The following TOP2A variants were observed in gnomAD, a reference collection of about 807,000 sequenced individuals.
TOP2A encodes DNA topoisomerase 2-alpha.
In TOP2A, 68 loss-of-function variants were observed where a neutral mutation model predicts 187.2. The ratio of observed to expected loss-of-function variants is 0.36; its 90% CI spans 0.30 to 0.44. The LOEUF is 0.44. Among genes scored for constraint, TOP2A ranks in the 20% least tolerant of loss-of-function variants. The probability of loss-of-function intolerance (pLI) is 1.00; values close to 1 mark genes in which losing one functional copy is unlikely to be tolerated. For missense variants in TOP2A, 1,196 were observed against 1,808.7 expected (o/e 0.66, Z 6.14); for synonymous variants, 542 against 593.2 (o/e 0.91, Z 1.25).
chr17:40,415,765 A>G (rs937243572), intron 4 of TOP2A, among the ~76,000 whole-genome samples: 21 of 152,230 alleles, frequency 1.4e-4, no homozygotes, highest in African/African-American at 5.1e-4. Flanking sequence ...CAGGCAAAAT[A>G]GCAAGACCCC....
chr17:40,400,427 C>A lies in TOP2A; in HGVS notation c.2800-18G>T, dbSNP rs377420002. ...TTGTATGTCTAAAGAAAGAAATAAT[C>A]CTGAAGTTTCTAAAATATAGGCTTC... On this transcript the variant is annotated intron_variant, in intron 22 of 34. Coordinates refer to ENST00000423485, the MANE Select transcript of TOP2A (RefSeq NM_001067.4). 375 of 1,610,172 alleles carry A rather than the reference C, an allele frequency of 2.3e-4. No individual in the cohort carries two copies. Among genetic ancestry groups the A allele is most frequent in the Admixed American group, 6.1e-4 (36 of 59,140 alleles).
chr17:40,406,730 G>C, intron 14 of TOP2A, 41 bp from the exon 15 acceptor site: 1 of 1,587,304 alleles, frequency 6.3e-7, no homozygotes, highest in East Asian at 2.2e-5. Flanking sequence ...TACACTGTGG[G>C]GTCCCCTGTA....
At chr17:40,398,481 A>G in intron 27 of TOP2A, 77 bp downstream of exon 27, 1 of 1,261,946 alleles carries the variant, frequency 7.9e-7, no homozygotes, top group Non-Finnish European at 1.1e-6. Context: ...ATTGTGAACT[A>G]TCTTGACAAA....
chr17:40,405,607 A>C (rs1187172175), intron 16 of TOP2A, among the ~76,000 whole-genome samples: 1 of 151,536 alleles, frequency 6.6e-6, no homozygotes, highest in African/African-American at 2.4e-5. Flanking sequence ...GGCGCGTGTC[A>C]CCAAGCCCGG....
rs1233232279 is a variant in TOP2A, at chr17:40,407,987, G to A, written c.1480C>T (p.Arg494Ter). ...FPLRGKILNV[R>*]EASHKQIMEN... ...TCTACCTGCTTATGAGAAGCTTCTC[G>A]AACATTGAGTATTTTTCCTCTAAGA... Residue 494 changes from arginine to a stop codon, truncating the protein, a stop_gained, in exon 12 of 35, where the codon CGA becomes TGA. Transcript: ENST00000423485. LOFTEE classifies it high-confidence loss of function. 3 of 1,612,316 alleles carry A rather than the reference G, an allele frequency of 1.9e-6. No individual in the cohort carries two copies. In the African/African-American group the frequency reaches 4.0e-5, roughly 22 times the overall value.
intron 2 of TOP2A, 61 bp from the exon 3 acceptor site, chr17:40,416,573 G>C (rs2035393121): frequency 1.4e-6 from 2 of 1,461,422 alleles, no homozygotes; most frequent in African/African-American, 1.4e-5. Flanking sequence ...CTGTTATCAT[G>C]ATTACCATAA....
At chr17:40,398,451 T>G in intron 27 of TOP2A, 107 bp downstream of exon 27, 2 of 990,042 alleles carry the variant, frequency 2.0e-6, no homozygotes, top group South Asian at 3.4e-5. Flanking sequence ...CTTATGCCTC[T>G]TATTTTCTTT....
chr17:40,416,151 A>G (rs1319284712), intron 3 of TOP2A, 83 bp from the exon 4 acceptor site: 1 of 1,168,630 alleles, frequency 8.6e-7, no homozygotes, highest in Non-Finnish European at 1.2e-6. Flanking sequence ...ATAGAAAAAA[A>G]AGTTCCCAAA....
chr17:40,398,060 G>A (rs1452668772), intron 27 of TOP2A, among the ~76,000 whole-genome samples: 2 of 150,690 alleles, frequency 1.3e-5, no homozygotes, highest in African/African-American at 2.4e-5. Flanking sequence ...TTGTAGGTGT[G>A]AGCCACCGCA....
chr17:40,392,343 T>C lies in TOP2A; in HGVS notation c.3965-2A>G. 1 of 1,580,826 alleles carries C rather than the reference T, an allele frequency of 6.3e-7. No individual in the cohort carries two copies. Among genetic ancestry groups the C allele is most frequent in the Non-Finnish European group, 8.6e-7 (1 of 1,162,326 alleles). ...AATCCATTGTGAATTTTGTTTTTGC[T>C]AGTAAAAAAACCATATACAAAAAAA... is the stretch of plus-strand genomic sequence containing the variant. On this transcript the variant is annotated splice_acceptor_variant, in intron 30 of 34. Coordinates refer to ENST00000423485, the MANE Select transcript of TOP2A (RefSeq NM_001067.4). LOFTEE classifies it high-confidence loss of function.
At chr17:40,402,410 C>T (rs2143653302) in intron 20 of TOP2A, among the ~76,000 whole-genome samples, 1 of 152,190 alleles carries the variant, frequency 6.6e-6, no homozygotes, top group East Asian at 1.9e-4. Flanking sequence ...TGAAGGAGCC[C>T]TGGAATGGGC....
chr17:40,404,141 T>C lies in TOP2A; in HGVS notation c.2283+11A>G, dbSNP rs1422847603. 1 of 1,611,072 alleles carries C rather than the reference T, an allele frequency of 6.2e-7. No individual in the cohort carries two copies. Among genetic ancestry groups the C allele is most frequent in the Non-Finnish European group, 8.5e-7 (1 of 1,179,110 alleles). On this transcript the variant is annotated intron_variant, in intron 19 of 34. Coordinates refer to ENST00000423485, the MANE Select transcript of TOP2A (RefSeq NM_001067.4). ...TATAATGCTTTCTGGAAACATGGAT[T>C]GTGTGTTTACCTCACCATGATGATA...
In TOP2A at chr17:40,398,299, T is replaced by C. The variant is rs141614015; in HGVS notation, c.3537+259A>G. On this transcript the variant is annotated intron_variant, in intron 27 of 34. Coordinates refer to ENST00000423485, the MANE Select transcript of TOP2A (RefSeq NM_001067.4). ...TTGTGTTTTTAGTAGAAATGGGGTT[T>C]TACCATGTTGGCCAGGCTGGTCTTG... 3.6e-3 allele frequency among the ~76,000 whole-genome samples: 549 copies of C among 152,030 alleles called. 5 individuals carry two copies. Among genetic ancestry groups the C allele is most frequent in the African/African-American group, 0.013 (519 of 41,436 alleles).
Position 40,389,561 on chromosome 17 carries a change from AGGT to A in TOP2A, c.4551_4553del (p.Lys1517_Pro1518delinsAsn). Reference sequence around the variant, plus strand: ...CATCTGACTCTTCCAGGTACTTTATAGGTTTCTTTGCCCGTACAGATTTTGCCC... The same window carrying A: ...CATCTGACTCTTCCAGGTACTTTATATTCTTTGCCCGTACAGATTTTGCCC... On this transcript the variant is annotated inframe_deletion, in exon 35 of 35. Coordinates refer to ENST00000423485, the MANE Select transcript of TOP2A (RefSeq NM_001067.4). 1.2e-6 allele frequency: 2 copies of A among 1,600,400 alleles called. No homozygotes were observed. Among genetic ancestry groups the A allele is most frequent in the Non-Finnish European group, 1.7e-6 (2 of 1,172,826 alleles).
Position 40,392,697 on chromosome 17 carries a change from T to G in TOP2A, c.3852A>C (p.Pro1284=). 2 of 1,612,878 alleles carry G rather than the reference T, an allele frequency of 1.2e-6. No individual in the cohort carries two copies. Among genetic ancestry groups the G allele is most frequent in the South Asian group, 1.1e-5 (1 of 91,070 alleles). The change falls in exon 30 of 35, where the codon CCA becomes CCC. Residue 1284 remains proline, a synonymous_variant. Transcript: ENST00000423485. ...GATTTCTCTTCTTTCCTTTTTTGATTGGCTTAAATGCCAATGTAGTTTGTT... is the reference window on the plus strand; with the variant it reads ...GATTTCTCTTCTTTCCTTTTTTGATGGGCTTAAATGCCAATGTAGTTTGTT... ...TKKQTTLAFK[P]IKKGKKRNPW...
Position 40,391,547 on chromosome 17 carries a change from A to T in TOP2A, c.4226T>A (p.Val1409Asp), listed in dbSNP as rs769268057. 5.6e-6 allele frequency: 9 copies of T among 1,613,308 alleles called. No homozygotes were observed. The South Asian group carries it at 9.9e-5, about 18-fold the overall frequency. ...CTTCACTGTCACATTCTTTTTAGGAACTGGGTTTGTAATTTCAGTTTCATC... is the reference window on the plus strand; with the variant it reads ...CTTCACTGTCACATTCTTTTTAGGATCTGGGTTTGTAATTTCAGTTTCATC... ...FPDETEITNP[V>D]PKKNVTVKKT... Residue 1409 changes from valine (V) to aspartate (D), a missense_variant, in exon 33 of 35, where the codon GTT (valine) becomes GAT (aspartate). By Grantham distance (152) the Val-to-Asp change is radical (BLOSUM62 -3). Around this residue, in one of 10 missense-constraint regions of TOP2A, gnomAD observed 374 missense variants for 403.3 expected, o/e 0.93. Coordinates refer to ENST00000423485, the MANE Select transcript of TOP2A (RefSeq NM_001067.4).
Position 40,395,424 on chromosome 17 carries a change from C to T in TOP2A, c.3811+25G>A, listed in dbSNP as rs187080130. On this transcript the variant is annotated intron_variant, in intron 29 of 34. Coordinates refer to ENST00000423485, the MANE Select transcript of TOP2A (RefSeq NM_001067.4). Reference sequence around the variant, plus strand: ...ACACAATTTAATCTTCACTTTATACCATTTTTCTAAAAATGTTGTAATACC... The same window carrying T: ...ACACAATTTAATCTTCACTTTATACTATTTTTCTAAAAATGTTGTAATACC... 2.7e-5 allele frequency: 40 copies of T among 1,493,142 alleles called. No homozygotes were observed. In the East Asian group the frequency reaches 7.5e-4, roughly 28 times the overall value. The allele number at this position is 1,493,142 out of a possible 1,614,324, so 92.5% of individuals were successfully genotyped here. A position where few individuals can be genotyped will look rare whatever the true frequency, so the allele number is the denominator to read the frequency against.
In TOP2A at chr17:40,400,022, A is replaced by T. The variant is rs375612751; in HGVS notation, c.3046T>A (p.Leu1016Met). ...TCAAAAAAGTCTCTTAGAATATCCA[A>T]CACCGTGTCATATTTCTTTAAACAG... is the stretch of plus-strand genomic sequence containing the variant. ...VGCLKKYDTV[L>M]DILRDFFELR... The change falls in exon 24 of 35, where the codon TTG (leucine) becomes ATG (methionine). Residue 1016 changes from leucine (L) to methionine (M), a missense_variant. By Grantham distance (15) the Leu-to-Met change is conservative. Around this residue, in one of 10 missense-constraint regions of TOP2A, gnomAD observed 232 missense variants for 306.1 expected, o/e 0.76. Coordinates refer to ENST00000423485, the MANE Select transcript of TOP2A (RefSeq NM_001067.4). 14 of 1,611,756 alleles carry T rather than the reference A, an allele frequency of 8.7e-6. No individual in the cohort carries two copies. In the African/African-American group the frequency reaches 1.9e-4, roughly 22 times the overall value.
intron 32 of TOP2A, chr17:40,391,847 G>A (rs1305593321): frequency 1.3e-6 from 1 of 776,536 alleles, no homozygotes; most frequent in Non-Finnish European, 2.0e-6. Flanking sequence ...CTAGCACCTA[G>A]CAAAGTACCT....
Sources: gnomAD v4.1 joint callset for allele counts (sites outside exome capture counted in the v4.1 genomes callset) on GRCh38, gnomAD v4.1.1 for gene constraint, gnomAD v4.1.1 regional missense constraint, MANE v1.5 for transcripts, NCBI Gene and HGNC (gene_info 2026-07-23, HGNC 2026-07-21) for gene names.